The following PTPN14 variants were observed in gnomAD, a reference collection of about 807,000 sequenced individuals.
PTPN14 encodes protein tyrosine phosphatase non-receptor type 14.
A neutral mutation model predicts 126.8 loss-of-function variants in PTPN14; 53 were observed. The observed-to-expected ratio is 0.42, with a 90% CI of 0.34 to 0.53. PTPN14 has a LOEUF of 0.53. PTPN14 is among the 20% of genes least tolerant of loss of function. The pLI, the probability that PTPN14 is intolerant of heterozygous loss-of-function variation, is 0.08. For missense variants in PTPN14, 1,257 were observed against 1,552.9 expected, an observed-to-expected ratio of 0.81 and a Z score of 3.20; for synonymous variants, 630 against 599.3, an observed-to-expected ratio of 1.05 and a Z score of -0.75.
intron 11 of PTPN14, among the ~76,000 whole-genome samples, chr1:214,388,948 A>G (rs759811401): frequency 6.6e-6 from 1 of 152,212 alleles, no homozygotes; most frequent in African/African-American, 2.4e-5. Flanking sequence ...CCAAGAATTA[A>G]AAGGAATCAA....
intron 1 of PTPN14, among the ~76,000 whole-genome samples, chr1:214,547,600 A>G (rs1375498945): frequency 6.6e-6 from 1 of 152,236 alleles, no homozygotes; most frequent in East Asian, 1.9e-4. Flanking sequence ...TCAAAAAGGG[A>G]AATCAAGGCT....
At chr1:214,454,576 A>G (rs1405041328) in intron 2 of PTPN14, among the ~76,000 whole-genome samples, 4 of 152,116 alleles carry the variant, frequency 2.6e-5, no homozygotes, top group Non-Finnish European at 5.9e-5. Flanking sequence ...AGCTGCACAT[A>G]CACACACTCC....
At chr1:214,477,638 G>A (rs1419707942) in intron 1 of PTPN14, among the ~76,000 whole-genome samples, 3 of 152,250 alleles carry the variant, frequency 2.0e-5, no homozygotes, top group African/African-American at 4.8e-5. Flanking sequence ...GCTTGCATCC[G>A]TGCTGAGCAA....
At chr1:214,544,788 G>C (rs1022169489) in intron 1 of PTPN14, among the ~76,000 whole-genome samples, 5 of 150,970 alleles carry the variant, frequency 3.3e-5, no homozygotes, top group Admixed American at 3.3e-4. Context: ...ACAGAAGAAA[G>C]AGACAGAGAG....
intron 11 of PTPN14, among the ~76,000 whole-genome samples, chr1:214,389,271 T>C (rs1232899269): frequency 3.3e-5 from 5 of 152,226 alleles, no homozygotes; most frequent in African/African-American, 1.2e-4. Flanking sequence ...GTTTATGAAC[T>C]GACATAAATG....
chr1:214,367,099 G>C (rs537275926), intron 17 of PTPN14, among the ~76,000 whole-genome samples: 1 of 152,174 alleles, frequency 6.6e-6, no homozygotes, highest in Non-Finnish European at 1.5e-5. Flanking sequence ...TCTTTCATCA[G>C]AGCTGTTAGC....
intron 1 of PTPN14, among the ~76,000 whole-genome samples, chr1:214,545,093 T>C (rs1162042609): frequency 6.6e-6 from 1 of 152,036 alleles, no homozygotes; most frequent in African/African-American, 2.4e-5. Context: ...CAGATGGGTA[T>C]GAGAAGATAG....
intron 9 of PTPN14, 111 bp from the exon 10 acceptor site, chr1:214,393,888 C>T: frequency 1.2e-6 from 1 of 859,690 alleles, no homozygotes; most frequent in South Asian, 1.6e-5. Context: ...TCATCTCAAG[C>T]ACAAAATAAT....
At chr1:214,506,502 G>A (rs1401309342) in intron 1 of PTPN14, among the ~76,000 whole-genome samples, 1 of 143,878 alleles carries the variant, frequency 7.0e-6, no homozygotes, top group Non-Finnish European at 1.5e-5. Flanking sequence ...GGAAGATAGA[G>A]ATCCTGTGTC....
At chr1:214,373,000 T>C (rs945957698) in intron 15 of PTPN14, among the ~76,000 whole-genome samples, 161 bp from the exon 16 acceptor site, 4 of 152,218 alleles carry the variant, frequency 2.6e-5, no homozygotes, top group Non-Finnish European at 4.4e-5. Flanking sequence ...GAGGCTAGTG[T>C]AGTGACACAT....
chr1:214,371,913 T>C (rs942528176), intron 16 of PTPN14, among the ~76,000 whole-genome samples: 3 of 152,130 alleles, frequency 2.0e-5, no homozygotes, highest in Admixed American at 6.6e-5. Context: ...CCCTTTAACA[T>C]AGCTAGGAAA....
intron 1 of PTPN14, among the ~76,000 whole-genome samples, chr1:214,539,185 T>C (rs752376922): frequency 6.6e-6 from 1 of 152,206 alleles, no homozygotes. Flanking sequence ...GTCTTCTCTA[T>C]CCAGGTAACT....
At chr1:214,425,899 G>A (rs1047108832) in intron 3 of PTPN14, among the ~76,000 whole-genome samples, 7 of 151,936 alleles carry the variant, frequency 4.6e-5, no homozygotes, top group Admixed American at 2.6e-4. Context: ...ATTTATCCAC[G>A]GGGAAACGGA....
intron 5 of PTPN14, among the ~76,000 whole-genome samples, chr1:214,410,532 C>T (rs935144343): frequency 3.5e-4 from 54 of 152,130 alleles, no homozygotes; most frequent in African/African-American, 1.2e-3. Flanking sequence ...ACCTTGTGAT[C>T]CGGCCGCCTA....
chr1:214,503,820 A>G (rs1654765977), intron 1 of PTPN14, among the ~76,000 whole-genome samples: 2 of 152,222 alleles, frequency 1.3e-5, no homozygotes, highest in Admixed American at 1.3e-4. Flanking sequence ...ACCCGACATC[A>G]CCTACTTCAA....
intron 1 of PTPN14, among the ~76,000 whole-genome samples, chr1:214,534,428 T>C (rs1655645740): frequency 6.6e-6 from 1 of 152,058 alleles, no homozygotes; most frequent in South Asian, 2.1e-4. Flanking sequence ...TAAAAGACGT[T>C]ATTGGCCGGG....
rs371389909 is a variant in PTPN14 at position 214,455,928 on chromosome 1, C to G, written c.175-3954G>C. On this transcript the variant is annotated intron_variant, in intron 2 of 18. Transcript: ENST00000366956. ...GGGACATTATGGGAACTCTCCGTAC[C>G]TTTTGCTCAATCTTGCTGTGAAACT... 8.3e-4 allele frequency among the ~76,000 whole-genome samples: 127 copies of G among 152,166 alleles called. 2 individuals carry two copies. In the South Asian group the frequency reaches 0.026, roughly 31 times the overall value.
intron 1 of PTPN14, among the ~76,000 whole-genome samples, chr1:214,537,167 A>C (rs1655728776): frequency 6.6e-6 from 1 of 152,222 alleles, no homozygotes. Context: ...TTTCCTGATA[A>C]CTTGAGCTCA....
chr1:214,402,204 G>A lies in PTPN14; in HGVS notation c.582-432C>T, dbSNP rs959910346. Reference sequence around the variant, plus strand: ...TATAATCCCAGCACTTTGGGAGGCCGAGGCAGGCAGATCACTTGAGGTCAG... The same window carrying A: ...TATAATCCCAGCACTTTGGGAGGCCAAGGCAGGCAGATCACTTGAGGTCAG... On this transcript the variant is annotated intron_variant, in intron 6 of 18. Coordinates refer to ENST00000366956, the MANE Select transcript of PTPN14 (RefSeq NM_005401.5). Among the ~76,000 whole-genome samples, 11 of 151,878 alleles carry A rather than the reference G, an allele frequency of 7.2e-5. No homozygotes were observed. The East Asian group carries it at 2.1e-3, about 30-fold the overall frequency.
Sources: gnomAD v4.1 joint callset for allele counts (sites outside exome capture counted in the v4.1 genomes callset) on GRCh38, gnomAD v4.1.1 for gene constraint, MANE v1.5 for transcripts, NCBI Gene and HGNC (gene_info 2026-07-23, HGNC 2026-07-21) for gene names.